CMSS1: variants seen among roughly 807,000 people sequenced by gnomAD.
CMSS1 encodes the protein protein CMSS1.
CMSS1 carries 33 observed loss-of-function variants against 43.5 expected under a neutral mutation model. The observed-to-expected ratio is 0.76, with a 90% confidence interval of 0.57 to 1.01. The LOEUF (loss-of-function observed/expected upper bound fraction) is 1.01, where lower values mean the gene tolerates loss of function less well. CMSS1 is among the 50% of genes least tolerant of loss of function. The pLI is 0.00. For missense variants in CMSS1, 313 were observed against 326.4 expected (o/e 0.96, Z 0.32); for synonymous variants, 115 against 117.2 (o/e 0.98, Z 0.12).
chr3:99,924,030 T>C (rs1707208306), intron 1 of CMSS1, among the ~76,000 whole-genome samples: 1 of 152,212 alleles, frequency 6.6e-6, no homozygotes, highest in African/African-American at 2.4e-5. Flanking sequence ...ACATTTATGG[T>C]TCCACAGTCC....
At chr3:100,056,823 T>A (rs1291826025) in intron 1 of CMSS1, among the ~76,000 whole-genome samples, 6 of 151,578 alleles carry the variant, frequency 4.0e-5, no homozygotes, top group African/African-American at 1.5e-4. Context: ...GCTAACACAG[T>A]GAAACCCCGT....
intron 1 of CMSS1, among the ~76,000 whole-genome samples, chr3:100,030,582 G>C (rs758870017): frequency 1.3e-5 from 2 of 152,094 alleles, no homozygotes; most frequent in Non-Finnish European, 2.9e-5. Flanking sequence ...TAGTAATGCA[G>C]TGTGACTAAA....
intron 1 of CMSS1, among the ~76,000 whole-genome samples, chr3:100,015,301 T>C (rs561283003): frequency 6.6e-6 from 1 of 152,334 alleles, no homozygotes; most frequent in African/African-American, 2.4e-5. Context: ...TATAGCTTTA[T>C]AGTGTATTTT....
chr3:99,971,162 C>T (rs1031271571), intron 1 of CMSS1, among the ~76,000 whole-genome samples: 3 of 152,020 alleles, frequency 2.0e-5, no homozygotes, highest in Non-Finnish European at 2.9e-5. Context: ...ATGGTGAAAC[C>T]CCGTCTCTAC....
chr3:100,166,360 T>C lies in CMSS1; in HGVS notation c.381T>C (p.Asp127=). 6.3e-7 allele frequency: 1 copy of C among 1,599,812 alleles called. No homozygotes were observed. Among genetic ancestry groups the C allele is most frequent in the Non-Finnish European group, 8.6e-7 (1 of 1,167,362 alleles). The stretch of plus-strand genomic sequence containing the variant: ...ACTCCTGTTTCCTCAAGGCCAATGA[T>C]TTGACTCACAGTCTTTCCTCATACC... ...LPDSCFLKAN[D]LTHSLSSYLK... Residue 127 remains aspartate, a synonymous_variant, in exon 5 of 10, where the codon GAT becomes GAC. Transcript: ENST00000421999.
chr3:99,891,834 T>C (rs1255235795), intron 1 of CMSS1, among the ~76,000 whole-genome samples: 1 of 152,226 alleles, frequency 6.6e-6, no homozygotes, highest in East Asian at 1.9e-4. Flanking sequence ...ATAAACATTG[T>C]GTCCAAGATA....
intron 1 of CMSS1, among the ~76,000 whole-genome samples, chr3:99,917,967 TTTTTGTTTTG>T (rs1218470674): frequency 6.6e-6 from 1 of 151,938 alleles, no homozygotes; most frequent in Non-Finnish European, 1.5e-5. Context: ...GTTTGTTTGT[TTTTTGTTTTG>T]TTTTGTTTTG....
intron 1 of CMSS1, among the ~76,000 whole-genome samples, chr3:99,887,222 G>C (rs1326388178): frequency 6.6e-6 from 1 of 151,280 alleles, no homozygotes; most frequent in African/African-American, 2.4e-5. Flanking sequence ...AGCCGAGATT[G>C]AGCCATTGCA....
intron 1 of CMSS1, among the ~76,000 whole-genome samples, chr3:99,924,947 TC>T (rs1274538331): frequency 2.0e-5 from 3 of 152,220 alleles, no homozygotes; most frequent in African/African-American, 7.2e-5. Flanking sequence ...ATAATCTGTG[TC>T]CCTGTGGGTA....
chr3:99,820,186 C>CA (rs1180790449), intron 1 of CMSS1, among the ~76,000 whole-genome samples: 1 of 152,014 alleles, frequency 6.6e-6, no homozygotes, highest in East Asian at 1.9e-4. Context: ...TTCCTTCTAG[C>CA]CATAAGACTA....
intron 1 of CMSS1, among the ~76,000 whole-genome samples, chr3:99,852,605 C>T (rs1031274141): frequency 1.3e-5 from 2 of 152,010 alleles, no homozygotes; most frequent in Non-Finnish European, 2.9e-5. Context: ...ACCACCACGC[C>T]CAGCTAATTT....
chr3:99,871,579 T>C (rs1398887944), intron 1 of CMSS1, among the ~76,000 whole-genome samples: 5 of 152,182 alleles, frequency 3.3e-5, no homozygotes, highest in Non-Finnish European at 1.5e-5. Context: ...ACCAGGAGCT[T>C]GTAGCCTTCA....
At chr3:99,985,591 AAG>A (rs371062149) in intron 1 of CMSS1, among the ~76,000 whole-genome samples, 36 of 151,150 alleles carry the variant, frequency 2.4e-4, no homozygotes, top group East Asian at 1.2e-3. Flanking sequence ...ATCATGAGAA[AAG>A]CTTTTTTTTT....
chr3:99,970,617 C>T (rs1708784778), intron 1 of CMSS1, among the ~76,000 whole-genome samples: 1 of 152,156 alleles, frequency 6.6e-6, no homozygotes, highest in Non-Finnish European at 1.5e-5. Context: ...TAGTTCTAGA[C>T]CTTGCATGTA....
chr3:99,961,227 G>A (rs980107223), intron 1 of CMSS1, among the ~76,000 whole-genome samples: 14 of 152,300 alleles, frequency 9.2e-5, no homozygotes, highest in African/African-American at 2.6e-4. Flanking sequence ...GAGGGGATCC[G>A]GACTTGCCTC....
At chr3:100,002,260 C>G (rs930535069) in intron 1 of CMSS1, among the ~76,000 whole-genome samples, 1 of 152,160 alleles carries the variant, frequency 6.6e-6, no homozygotes, top group Non-Finnish European at 1.5e-5. Context: ...TAGAGCATCT[C>G]TTTTAAGTTA....
intron 1 of CMSS1, among the ~76,000 whole-genome samples, chr3:99,916,731 G>A (rs886835970): frequency 6.6e-6 from 1 of 152,142 alleles, no homozygotes. Flanking sequence ...CATGGTCCAT[G>A]CTCCACGTTT....
rs143352360 is a variant in CMSS1, at chr3:99,952,356, T to G, written c.64+134313T>G. ...ATTATCACTATACAATTCAAACATT[T>G]TCCTCAGCTGTTCTTCTGCCAGTCA... On this transcript the variant is annotated intron_variant, in intron 1 of 9. Coordinates refer to ENST00000421999, the MANE Select transcript of CMSS1 (RefSeq NM_032359.4). Among the ~76,000 whole-genome samples, 634 of 152,284 alleles carry G rather than the reference T, an allele frequency of 4.2e-3. 4 individuals carry two copies. Among genetic ancestry groups the G allele is most frequent in the African/African-American group, 0.015 (605 of 41,558 alleles).
intron 1 of CMSS1, among the ~76,000 whole-genome samples, chr3:100,060,044 G>A (rs2065533409): frequency 6.6e-6 from 1 of 150,946 alleles, no homozygotes; most frequent in African/African-American, 2.4e-5. Flanking sequence ...GACGGTTGGG[G>A]AAATGGGGGC....
Sources: allele counts gnomAD v4.1 joint callset (sites outside exome capture counted in the v4.1 genomes callset), GRCh38; gene constraint gnomAD v4.1.1; transcripts MANE v1.5; gene names NCBI Gene and HGNC (gene_info 2026-07-23, HGNC 2026-07-21).